KCNIP4: variants seen among roughly 807,000 people sequenced by gnomAD.
KCNIP4 encodes the protein Kv channel-interacting protein 4.
In KCNIP4, 12 loss-of-function variants were observed where a neutral mutation model predicts 34.0. That is an observed-to-expected ratio of 0.35 (90% CI 0.23 to 0.57). The LOEUF (loss-of-function observed/expected upper bound fraction) is 0.57. Ranked by LOEUF, KCNIP4 falls within the 20% of genes least tolerant of loss-of-function variation. The pLI is 0.83. For synonymous variants in KCNIP4, 124 were observed against 102.2 expected (o/e 1.21, Z -1.29); for missense variants, 238 against 311.7 (o/e 0.76, Z 1.78).
chr4:21,464,851 T>C (rs1021770711), intron 1 of KCNIP4: 1 of 152,108 alleles, frequency 6.6e-6, no homozygotes, highest in Non-Finnish European at 1.5e-5. Context: ...TTAATAAATA[T>C]ATTTCAATGC....
At chr4:21,358,128 T>C (rs577244503) in intron 1 of KCNIP4, among the ~76,000 whole-genome samples, 2 of 151,896 alleles carry the variant, frequency 1.3e-5, no homozygotes, top group African/African-American at 2.4e-5. Context: ...ATGACAACAC[T>C]TGGACACAGG....
chr4:21,628,841 T>C (rs1237846523), intron 1 of KCNIP4, among the ~76,000 whole-genome samples: 1 of 152,222 alleles, frequency 6.6e-6, no homozygotes, highest in African/African-American at 2.4e-5. Context: ...ATTATACCCA[T>C]TTACATTTGA....
At chr4:20,966,931 C>CTT (rs1734403750) in intron 1 of KCNIP4, among the ~76,000 whole-genome samples, 1 of 152,114 alleles carries the variant, frequency 6.6e-6, no homozygotes, top group Non-Finnish European at 1.5e-5. Context: ...TGATTTTCAT[C>CTT]TTATGGGCAG....
At chr4:21,516,286 A>G (rs1347947480) in intron 1 of KCNIP4, among the ~76,000 whole-genome samples, 1 of 152,300 alleles carries the variant, frequency 6.6e-6, no homozygotes, top group Non-Finnish European at 1.5e-5. Context: ...CTCTTCATAT[A>G]GCCCAAAGTT....
At chr4:21,099,846 A>G (rs1160810632) in intron 1 of KCNIP4, among the ~76,000 whole-genome samples, 2 of 152,144 alleles carry the variant, frequency 1.3e-5, no homozygotes, top group Admixed American at 1.3e-4. Flanking sequence ...ATGACTTTGA[A>G]GGGTTCAATA....
At chr4:21,031,215 C>T (rs1740996248) in intron 1 of KCNIP4, among the ~76,000 whole-genome samples, 1 of 152,222 alleles carries the variant, frequency 6.6e-6, no homozygotes, top group Non-Finnish European at 1.5e-5. Flanking sequence ...AAGTTCCTTG[C>T]ACCTACGTGC....
At chr4:21,472,664 T>C (rs1265852733) in intron 1 of KCNIP4, among the ~76,000 whole-genome samples, 2 of 152,170 alleles carry the variant, frequency 1.3e-5, no homozygotes, top group East Asian at 3.9e-4. Context: ...TTCAAGGAGA[T>C]ACTGATTACA....
intron 1 of KCNIP4, among the ~76,000 whole-genome samples, chr4:21,945,345 T>C (rs1361583952): frequency 1.3e-5 from 2 of 152,158 alleles, no homozygotes; most frequent in African/African-American, 2.4e-5. Context: ...CAACACTTTG[T>C]CCTATCATTT....
At chr4:21,453,404 T>C (rs1460043633) in intron 1 of KCNIP4, among the ~76,000 whole-genome samples, 2 of 152,038 alleles carry the variant, frequency 1.3e-5, no homozygotes, top group Non-Finnish European at 2.9e-5. Flanking sequence ...TTTATTTACC[T>C]CATATTACAG....
chr4:21,058,762 A>G (rs1471664524), intron 1 of KCNIP4, among the ~76,000 whole-genome samples: 1 of 152,130 alleles, frequency 6.6e-6, no homozygotes, highest in African/African-American at 2.4e-5. Context: ...CTAGAACTGA[A>G]GACATGTATC....
intron 1 of KCNIP4, among the ~76,000 whole-genome samples, chr4:21,282,090 A>G (rs1418381628): frequency 2.0e-5 from 3 of 152,222 alleles, no homozygotes; most frequent in Non-Finnish European, 4.4e-5. Flanking sequence ...TTTGAAAAAT[A>G]TCAGGTAAGT....
At chr4:21,870,278 T>C (rs1458001013) in intron 1 of KCNIP4, among the ~76,000 whole-genome samples, 1 of 152,172 alleles carries the variant, frequency 6.6e-6, no homozygotes, top group Non-Finnish European at 1.5e-5. Flanking sequence ...AAAAGTCTTT[T>C]ATTTGTGATG....
At chr4:21,327,685 G>T (rs1715224725) in intron 1 of KCNIP4, among the ~76,000 whole-genome samples, 1 of 151,798 alleles carries the variant, frequency 6.6e-6, no homozygotes, top group Non-Finnish European at 1.5e-5. Context: ...ACTCAGATTT[G>T]CCCTTTTGAG....
At chr4:21,192,398 C>G (rs1407398407) in intron 1 of KCNIP4, among the ~76,000 whole-genome samples, 1 of 152,118 alleles carries the variant, frequency 6.6e-6, no homozygotes, top group African/African-American at 2.4e-5. Context: ...AATTTGTGAG[C>G]ATGACGTAAG....
At chr4:21,558,729 C>T (rs964903137) in intron 1 of KCNIP4, among the ~76,000 whole-genome samples, 8 of 152,070 alleles carry the variant, frequency 5.3e-5, no homozygotes, top group Non-Finnish European at 1.2e-4. Flanking sequence ...ATAACTATTT[C>T]TTGCCTGTTT....
intron 3 of KCNIP4, among the ~76,000 whole-genome samples, chr4:20,847,518 A>C (rs1720520669): frequency 6.6e-6 from 1 of 151,580 alleles, no homozygotes; most frequent in Non-Finnish European, 1.5e-5. Flanking sequence ...TGGACAGTGT[A>C]CTGTATTCTG....
chr4:21,362,244 G>A (rs1459468485), intron 1 of KCNIP4, among the ~76,000 whole-genome samples: 7 of 152,118 alleles, frequency 4.6e-5, no homozygotes, highest in Non-Finnish European at 5.9e-5. Flanking sequence ...AAATTATGCA[G>A]ATGAACCCTG....
chr4:21,263,725 G>A (rs7663651), intron 1 of KCNIP4, among the ~76,000 whole-genome samples: 173 of 152,084 alleles, frequency 1.1e-3, no homozygotes, highest in African/African-American at 3.6e-3. Flanking sequence ...TAGAGTGATC[G>A]TAGCTCACTA....
chr4:21,138,963 C>A (rs1751726076), intron 1 of KCNIP4, among the ~76,000 whole-genome samples: 1 of 152,216 alleles, frequency 6.6e-6, no homozygotes, highest in South Asian at 2.1e-4. Context: ...GTCATTCAGA[C>A]TTCTGACCTC....
Sources: allele counts gnomAD v4.1 joint callset (sites outside exome capture counted in the v4.1 genomes callset), GRCh38; gene constraint gnomAD v4.1.1; transcripts MANE v1.5; gene names NCBI Gene and HGNC (gene_info 2026-07-23, HGNC 2026-07-21).